Variants in PDE10A observed in about 807,000 individuals in gnomAD.
PDE10A encodes the protein phosphodiesterase 10A, also known as cAMP and cAMP-inhibited cGMP 3',5'-cyclic phosphodiesterase 10A.
In PDE10A, 39 loss-of-function variants were observed where a neutral mutation model predicts 97.7. That is an observed-to-expected ratio of 0.40 (90% CI 0.31 to 0.52). PDE10A has a LOEUF of 0.52. Ranked by LOEUF, PDE10A falls within the 20% of genes least tolerant of loss-of-function variation. The pLI is 0.56. For synonymous variants in PDE10A, 371 were observed against 376.8 expected (o/e 0.98, Z 0.18); for missense variants, 731 against 1,047.8 (o/e 0.70, Z 4.17).
chr6:165,806,651 C>CG (rs534383867), intron 1 of PDE10A, among the ~76,000 whole-genome samples: 1 of 151,382 alleles, frequency 6.6e-6, no homozygotes, highest in Non-Finnish European at 1.5e-5. Context: ...TGCTGAGCGC[C>CG]CCCCCCCAGG....
intron 1 of PDE10A, among the ~76,000 whole-genome samples, chr6:165,839,867 T>TCTTATCTTCATCTCCATC (rs1780180684): frequency 9.3e-5 from 3 of 32,384 alleles, no homozygotes; most frequent in East Asian, 1.1e-3. Context: ...CTGTCTCCAT[T>TCTTATCTTCATCTCCATC]CCCATCTGCA....
intron 2 of PDE10A, among the ~76,000 whole-genome samples, chr6:165,500,032 A>C (rs1372347941): frequency 2.0e-5 from 3 of 152,204 alleles, no homozygotes; most frequent in African/African-American, 7.2e-5. Flanking sequence ...GATGGAGAAC[A>C]AGGCAAGAGC....
intron 1 of PDE10A, among the ~76,000 whole-genome samples, chr6:165,875,746 T>TTTTTTTTTTTTTTTTTTTTGTG (rs780504850): frequency 1.4e-5 from 2 of 147,076 alleles, no homozygotes; most frequent in African/African-American, 5.3e-5. Context: ...TTTTTTTTTT[T>TTTTTTTTTTTTTTTTTTTTGTG]TGTGTGTGTG....
intron 1 of PDE10A, among the ~76,000 whole-genome samples, chr6:165,740,523 C>T (rs1792693929): frequency 6.6e-6 from 1 of 152,008 alleles, no homozygotes; most frequent in Non-Finnish European, 1.5e-5. Context: ...TTAGTACAGA[C>T]GGGTTTTCAC....
intron 1 of PDE10A, among the ~76,000 whole-genome samples, chr6:165,785,145 C>T (rs564766167): frequency 3.3e-5 from 5 of 152,244 alleles, no homozygotes; most frequent in African/African-American, 4.8e-5. Flanking sequence ...AAGGTGTGCA[C>T]CTCGAAGAGC....
chr6:165,780,043 C>T (rs1231211873), intron 1 of PDE10A, among the ~76,000 whole-genome samples: 2 of 152,188 alleles, frequency 1.3e-5, no homozygotes, highest in Non-Finnish European at 2.9e-5. Context: ...TCTCTACTCT[C>T]CCCCTCTATA....
intron 1 of PDE10A, among the ~76,000 whole-genome samples, chr6:165,759,749 T>C (rs1436065079): frequency 6.6e-6 from 1 of 152,182 alleles, no homozygotes; most frequent in Admixed American, 6.5e-5. Flanking sequence ...TCCAACCTCC[T>C]CAGTGAAAAC....
intron 1 of PDE10A, among the ~76,000 whole-genome samples, chr6:165,554,665 T>C (rs1355414913): frequency 6.6e-6 from 1 of 152,182 alleles, no homozygotes; most frequent in Admixed American, 6.5e-5. Flanking sequence ...CTGCTGGGTA[T>C]ATACCCAAAA....
At chr6:165,588,734 T>C (rs1454175266) in intron 1 of PDE10A, among the ~76,000 whole-genome samples, 1 of 152,214 alleles carries the variant, frequency 6.6e-6, no homozygotes, top group Non-Finnish European at 1.5e-5. Flanking sequence ...TCTCAAATAC[T>C]AGTACAGTGA....
At chr6:165,358,984 T>A (rs1176211580) in intron 18 of PDE10A, among the ~76,000 whole-genome samples, 1 of 151,872 alleles carries the variant, frequency 6.6e-6, no homozygotes, top group Non-Finnish European at 1.5e-5. Context: ...CACTTCACTC[T>A]ACCCTTCACA....
At chr6:165,460,658 A>G (rs1250187048) in intron 3 of PDE10A, among the ~76,000 whole-genome samples, 1 of 152,190 alleles carries the variant, frequency 6.6e-6, no homozygotes, top group African/African-American at 2.4e-5. Context: ...TGAAATATAT[A>G]AAAGTAGCTA....
At chr6:165,475,919 G>A (rs1779266808) in intron 3 of PDE10A, among the ~76,000 whole-genome samples, 1 of 152,176 alleles carries the variant, frequency 6.6e-6, no homozygotes, top group African/African-American at 2.4e-5. Flanking sequence ...AACTCCCCCT[G>A]TGAGAATGTC....
chr6:165,424,716 T>C (rs1788990866), intron 10 of PDE10A, among the ~76,000 whole-genome samples: 1 of 152,076 alleles, frequency 6.6e-6, no homozygotes, highest in Non-Finnish European at 1.5e-5. Flanking sequence ...GAAATAAATA[T>C]TAACAACCAA....
chr6:165,454,931 G>A (rs997881361), intron 3 of PDE10A, among the ~76,000 whole-genome samples: 5 of 152,044 alleles, frequency 3.3e-5, no homozygotes, highest in Admixed American at 1.3e-4. Context: ...CCAATTCACA[G>A]GCCCAGAACT....
chr6:165,529,810 T>C (rs546955706), intron 2 of PDE10A, among the ~76,000 whole-genome samples: 1 of 152,300 alleles, frequency 6.6e-6, no homozygotes, highest in Non-Finnish European at 1.5e-5. Context: ...ACTTTATTAT[T>C]GTCTTTATTT....
intron 1 of PDE10A, among the ~76,000 whole-genome samples, chr6:165,875,574 G>A (rs896569039): frequency 6.6e-6 from 1 of 152,082 alleles, no homozygotes; most frequent in African/African-American, 2.4e-5. Flanking sequence ...TTTTACTCAG[G>A]AAAACATTCA....
At chr6:165,916,851 C>CGG (rs1562797025) in intron 1 of PDE10A, among the ~76,000 whole-genome samples, 1 of 152,150 alleles carries the variant, frequency 6.6e-6, no homozygotes, top group Admixed American at 6.5e-5. Context: ...TGAAACACCA[C>CGG]GCCCTTTGTT....
intron 1 of PDE10A, among the ~76,000 whole-genome samples, chr6:165,699,406 C>T (rs1582951819): frequency 6.6e-6 from 1 of 152,234 alleles, no homozygotes; most frequent in African/African-American, 2.4e-5. Context: ...GGCTTCAATA[C>T]CCCAATTTTA....
chr6:165,577,720 G>A (rs1415397506), intron 1 of PDE10A, among the ~76,000 whole-genome samples: 1 of 152,162 alleles, frequency 6.6e-6, no homozygotes, highest in Non-Finnish European at 1.5e-5. Context: ...CAGCCCTCAT[G>A]CAATCAGCAG....
Sources: allele counts gnomAD v4.1 joint callset (sites outside exome capture counted in the v4.1 genomes callset), GRCh38; gene constraint gnomAD v4.1.1; transcripts MANE v1.5; gene names NCBI Gene and HGNC (gene_info 2026-07-23, HGNC 2026-07-21).